Variants in ASCC3 observed in about 807,000 individuals in gnomAD.
The protein encoded by ASCC3 is activating signal cointegrator 1 complex subunit 3.
Under a neutral mutation model 256.3 loss-of-function variants are expected in ASCC3, and 158 were observed. The observed-to-expected ratio is 0.62, with a 90% CI of 0.54 to 0.70. The LOEUF (loss-of-function observed/expected upper bound fraction) is 0.70. Ranked by LOEUF, ASCC3 falls within the 30% of genes least tolerant of loss-of-function variation. The probability of loss-of-function intolerance (pLI) is 0.00; values close to 1 mark genes in which losing one functional copy is unlikely to be tolerated. For missense variants in ASCC3, 2,259 were observed against 2,626.0 expected, an observed-to-expected ratio of 0.86 and a Z score of 3.05; for synonymous variants, 948 against 883.4, an observed-to-expected ratio of 1.07 and a Z score of -1.30.
intron 10 of ASCC3, among the ~76,000 whole-genome samples, chr6:100,742,967 A>G (rs1437528922): frequency 6.6e-6 from 1 of 152,144 alleles, no homozygotes; most frequent in Non-Finnish European, 1.5e-5. Context: ...TCGCCTTGCC[A>G]GGGATCTCGA....
At chr6:100,650,377 A>G (rs1775601590) in intron 20 of ASCC3, among the ~76,000 whole-genome samples, 161 bp downstream of exon 20, 1 of 151,780 alleles carries the variant, frequency 6.6e-6, no homozygotes, top group Non-Finnish European at 1.5e-5. Flanking sequence ...ATGAGCATAG[A>G]TTACATAAAA....
intron 36 of ASCC3, among the ~76,000 whole-genome samples, chr6:100,587,603 A>G (rs186254690): frequency 1.1e-4 from 17 of 152,282 alleles, no homozygotes; most frequent in African/African-American, 3.9e-4. Flanking sequence ...CCATGGGAGA[A>G]GAAGATATTC....
At chr6:100,859,552 A>G (rs567763979) in intron 3 of ASCC3, among the ~76,000 whole-genome samples, 1 of 152,124 alleles carries the variant, frequency 6.6e-6, no homozygotes, top group East Asian at 1.9e-4. Context: ...TATACTTCCT[A>G]TTCCAGTCAT....
intron 30 of ASCC3, among the ~76,000 whole-genome samples, chr6:100,612,975 A>G (rs566121398): frequency 1.4e-4 from 22 of 152,114 alleles, no homozygotes; most frequent in South Asian, 4.1e-4. Context: ...ACAAACAATA[A>G]CAGCTAAATC....
chr6:100,744,842 T>C (rs914449237), intron 10 of ASCC3, among the ~76,000 whole-genome samples: 1 of 152,206 alleles, frequency 6.6e-6, no homozygotes, highest in Non-Finnish European at 1.5e-5. Context: ...AAGCAGAGAA[T>C]TCTCACCATA....
intron 36 of ASCC3, among the ~76,000 whole-genome samples, chr6:100,545,753 A>C (rs1011672424): frequency 2.6e-5 from 4 of 152,142 alleles, no homozygotes; most frequent in Non-Finnish European, 4.4e-5. Context: ...AATTAAAAAA[A>C]ATATTTTTTG....
At chr6:100,740,372 T>C (rs1780375357) in intron 10 of ASCC3, among the ~76,000 whole-genome samples, 1 of 152,192 alleles carries the variant, frequency 6.6e-6, no homozygotes, top group South Asian at 2.1e-4. Context: ...AATTTTAGAG[T>C]AAGTGCCATG....
chr6:100,571,132 C>T lies in ASCC3; in HGVS notation c.5550+18502G>A, dbSNP rs545301915. Among the ~76,000 whole-genome samples the T allele has an allele frequency of 5.3e-5, 8 of 152,186 alleles. No individual in the cohort carries two copies. The South Asian group carries it at 1.7e-3, about 32-fold the overall frequency. On this transcript the variant is annotated intron_variant, in intron 36 of 41. Transcript: ENST00000369162. The stretch of plus-strand genomic sequence containing the variant: ...CCCTAGATGATGTCACCTCTGCCTC[C>T]TAGGCCCTCTCAGTGTACACTCCAC...
At chr6:100,868,526 C>G (rs967565883) in intron 1 of ASCC3, among the ~76,000 whole-genome samples, 1 of 152,214 alleles carries the variant, frequency 6.6e-6, no homozygotes, top group Non-Finnish European at 1.5e-5. Context: ...CCATCTAAAA[C>G]AGGCGACCCA....
At chr6:100,540,048 C>T in intron 37 of ASCC3, 115 bp downstream of exon 37, 1 of 934,432 alleles carries the variant, frequency 1.1e-6, no homozygotes, top group Non-Finnish European at 1.7e-6. Context: ...AGTTGTTTCT[C>T]AACAATGCTA....
At chr6:100,525,222 C>G (rs1269820711) in intron 37 of ASCC3, among the ~76,000 whole-genome samples, 2 of 136,636 alleles carry the variant, frequency 1.5e-5, no homozygotes, top group East Asian at 4.4e-4. Flanking sequence ...AAAATAAGAT[C>G]ATGACAAAGG....
intron 30 of ASCC3, among the ~76,000 whole-genome samples, chr6:100,608,522 A>ATATATATATACTT (rs1773152587): frequency 2.1e-4 from 1 of 4,752 alleles, no homozygotes; most frequent in African/African-American, 5.9e-4. Flanking sequence ...TATATACTTT[A>ATATATATATACTT]TATATATATA....
intron 4 of ASCC3, 51 bp downstream of exon 4, chr6:100,848,097 T>C (rs763265005): frequency 1.4e-6 from 2 of 1,480,234 alleles, no homozygotes; most frequent in Non-Finnish European, 1.8e-6. Flanking sequence ...AAACACTATT[T>C]CATTAGGATA....
chr6:100,820,464 C>T (rs943474685), intron 4 of ASCC3, among the ~76,000 whole-genome samples: 7 of 152,058 alleles, frequency 4.6e-5, no homozygotes, highest in Non-Finnish European at 8.8e-5. Context: ...ACCTTTACTG[C>T]ATACCATATA....
intron 14 of ASCC3, among the ~76,000 whole-genome samples, chr6:100,677,652 G>C (rs1777092563): frequency 6.6e-6 from 1 of 151,942 alleles, no homozygotes; most frequent in Non-Finnish European, 1.5e-5. Flanking sequence ...AAGAAAAAAA[G>C]TAATTCTGGG....
chr6:100,519,764 G>A (rs1384924988), intron 37 of ASCC3, among the ~76,000 whole-genome samples: 3 of 152,028 alleles, frequency 2.0e-5, no homozygotes, highest in Non-Finnish European at 4.4e-5. Flanking sequence ...TGAACCATAT[G>A]TTCTTAACTT....
chr6:100,643,602 G>A (rs1459699940), intron 23 of ASCC3, among the ~76,000 whole-genome samples: 2 of 152,056 alleles, frequency 1.3e-5, no homozygotes, highest in African/African-American at 4.8e-5. Context: ...TAGGTTACAT[G>A]GCAAAGCCTA....
At chr6:100,589,181 G>A (rs1048010017) in intron 36 of ASCC3, among the ~76,000 whole-genome samples, 4 of 152,082 alleles carry the variant, frequency 2.6e-5, no homozygotes, top group African/African-American at 9.7e-5. Flanking sequence ...TTGTGGGGAT[G>A]GGGGATAAAC....
chr6:100,565,197 G>A (rs998158535), intron 36 of ASCC3, among the ~76,000 whole-genome samples: 3 of 152,084 alleles, frequency 2.0e-5, no homozygotes, highest in African/African-American at 7.2e-5. Context: ...TAATAAAATG[G>A]CCAATTTGAT....
Sources: allele counts gnomAD v4.1 joint callset (sites outside exome capture counted in the v4.1 genomes callset), GRCh38; gene constraint gnomAD v4.1.1; transcripts MANE v1.5; gene names NCBI Gene and HGNC (gene_info 2026-07-23, HGNC 2026-07-21).